The following NAPB variants were observed in gnomAD, a reference collection of about 807,000 sequenced individuals.
NAPB encodes NSF attachment protein beta.
Under a neutral mutation model 44.7 loss-of-function variants are expected in NAPB, and 26 were observed. The ratio of observed to expected loss-of-function variants is 0.58; its 90% CI spans 0.43 to 0.81. The LOEUF (loss-of-function observed/expected upper bound fraction) is 0.81, where lower values mean the gene tolerates loss of function less well. NAPB is among the 30% of genes least tolerant of loss of function. NAPB has a pLI of 0.00. For missense variants in NAPB, 315 were observed against 356.4 expected, an observed-to-expected ratio of 0.88 and a Z score of 0.94; for synonymous variants, 120 against 116.8, an observed-to-expected ratio of 1.03 and a Z score of -0.18.
intron 2 of NAPB, among the ~76,000 whole-genome samples, chr20:23,399,830 C>G (rs906442574): frequency 6.6e-6 from 1 of 152,224 alleles, no homozygotes; most frequent in African/African-American, 2.4e-5. Context: ...GCTTGGACTT[C>G]GCAAGTAAAG....
In NAPB at chr20:23,392,255, A is replaced by G. The variant is rs115332579; in HGVS notation, c.421-1991T>C. ...CATGACAGCTCTGACAGGTGTTCCAAAGAAATATTTTCTTCCAGAGAAATA... is the reference window on the plus strand; with the variant it reads ...CATGACAGCTCTGACAGGTGTTCCAGAGAAATATTTTCTTCCAGAGAAATA... On this transcript the variant is annotated intron_variant, in intron 5 of 10. Coordinates refer to ENST00000377026, the MANE Select transcript of NAPB (RefSeq NM_022080.3). Among the ~76,000 whole-genome samples, 395 of 152,314 alleles carry G rather than the reference A, an allele frequency of 2.6e-3. 5 individuals are homozygous for G. Among genetic ancestry groups the G allele is most frequent in the Non-Finnish European group, 4.3e-3 (290 of 68,020 alleles).
At position 23,403,008 on chromosome 20, in the gene NAPB, C is replaced by CCAT; in HGVS notation, c.160_162dup (p.Met54dup). The CCAT allele has an allele frequency of 6.2e-7, 1 of 1,613,378 alleles. No individual in the cohort carries two copies. The highest frequency in any genetic ancestry group is 1.3e-5 in the African/African-American group (1 of 75,026). On this transcript the variant is annotated inframe_insertion, in exon 2 of 11. Coordinates refer to ENST00000377026, the MANE Select transcript of NAPB (RefSeq NM_022080.3). ...TTGTACATACCACTCCAATTTTTAGCCATCTTGAACATATTTGCAGCTCTG... is the reference window on the plus strand; with the variant it reads ...TTGTACATACCACTCCAATTTTTAGCCATCATCTTGAACATATTTGCAGCTCTG...
intron 5 of NAPB, among the ~76,000 whole-genome samples, chr20:23,393,479 T>A (rs1431523973): frequency 6.6e-6 from 1 of 152,134 alleles, no homozygotes. Flanking sequence ...CCATTTGGTA[T>A]GGTGGAGGTA....
At chr20:23,393,764 A>G (rs1984147796) in intron 5 of NAPB, among the ~76,000 whole-genome samples, 1 of 152,196 alleles carries the variant, frequency 6.6e-6, no homozygotes, top group Non-Finnish European at 1.5e-5. Context: ...AGGGGGTCAT[A>G]ATAGTTAATC....
intron 7 of NAPB, among the ~76,000 whole-genome samples, chr20:23,384,393 C>T (rs1983302302): frequency 6.6e-6 from 1 of 151,852 alleles, no homozygotes; most frequent in African/African-American, 2.4e-5. Flanking sequence ...AAAACCCCAT[C>T]GCTACAAAAA....
intron 1 of NAPB, among the ~76,000 whole-genome samples, chr20:23,408,485 C>T (rs1458753330): frequency 6.6e-6 from 1 of 152,194 alleles, no homozygotes; most frequent in Admixed American, 6.5e-5. Flanking sequence ...CAAAATCTGT[C>T]TGAACGTGCC....
At chr20:23,387,499 A>C (rs551851614) in intron 7 of NAPB, among the ~76,000 whole-genome samples, 1 of 152,214 alleles carries the variant, frequency 6.6e-6, no homozygotes, top group South Asian at 2.1e-4. Context: ...TAAGAAATCC[A>C]CACAAAAAAA....
intron 2 of NAPB, among the ~76,000 whole-genome samples, chr20:23,401,913 T>C (rs1385343489): frequency 6.6e-6 from 1 of 152,012 alleles, no homozygotes; most frequent in Non-Finnish European, 1.5e-5. Context: ...ATTAAGTAAG[T>C]AAATAAATAA....
chr20:23,410,813 A>G (rs949459673), intron 1 of NAPB, among the ~76,000 whole-genome samples: 4 of 152,228 alleles, frequency 2.6e-5, no homozygotes, highest in African/African-American at 9.6e-5. Context: ...AAACAATTCC[A>G]TATGACTGAA....
chr20:23,416,550 C>T (rs1327857210), intron 1 of NAPB, among the ~76,000 whole-genome samples: 3 of 151,988 alleles, frequency 2.0e-5, no homozygotes, highest in African/African-American at 7.2e-5. Flanking sequence ...GAGCCTCTAC[C>T]TGGTCTCCCC....
At chr20:23,420,038 A>C (rs1292428494) in intron 1 of NAPB, among the ~76,000 whole-genome samples, 1 of 152,214 alleles carries the variant, frequency 6.6e-6, no homozygotes, top group Non-Finnish European at 1.5e-5. Flanking sequence ...CTAGTCATGC[A>C]ATGGGTTAAG....
intron 7 of NAPB, among the ~76,000 whole-genome samples, chr20:23,388,581 G>A (rs558266538): frequency 2.0e-5 from 3 of 152,156 alleles, no homozygotes; most frequent in Non-Finnish European, 4.4e-5. Flanking sequence ...ATGGAATAGA[G>A]AGCCCAGAAG....
intron 1 of NAPB, among the ~76,000 whole-genome samples, chr20:23,419,378 A>C (rs1267455652): frequency 6.6e-6 from 1 of 152,234 alleles, no homozygotes; most frequent in East Asian, 1.9e-4. Context: ...TTCTTTAAAA[A>C]CAAAGGCTTT....
chr20:23,376,687 GTGTA>G lies in NAPB; in HGVS notation c.*685_*688del, dbSNP rs1353396193. On this transcript the variant is annotated 3_prime_UTR_variant, in exon 11 of 11. Transcript: ENST00000377026. ...AACAGATCTTGTGATATGTGTGTGT[GTGTA>G]AACGCGTGTGTCTAAGTACAAATCA... The G allele has an allele frequency of 3.9e-5, 6 of 152,234 alleles. No homozygotes were observed. Among genetic ancestry groups the G allele is most frequent in the South Asian group, 2.1e-4 (1 of 4,836 alleles). 9.4% of individuals were successfully genotyped at this position (152,234 alleles called of 1,614,324 possible). A position where few individuals can be genotyped will look rare whatever the true frequency, so the allele number is the denominator to read the frequency against.
intron 1 of NAPB, among the ~76,000 whole-genome samples, chr20:23,404,259 C>G (rs1484578596): frequency 6.6e-6 from 1 of 152,150 alleles, no homozygotes; most frequent in East Asian, 1.9e-4. Flanking sequence ...AGACTCTGTA[C>G]AGTATACATA....
Position 23,376,171 on chromosome 20 carries a change from C to T in NAPB, c.*1205G>A, listed in dbSNP as rs748022783. 13 of 152,130 alleles carry T rather than the reference C, an allele frequency of 8.5e-5. No individual in the cohort carries two copies. The highest frequency in any genetic ancestry group is 1.9e-4 in the Non-Finnish European group (13 of 68,048). 9.4% of individuals were successfully genotyped at this position (152,130 alleles called of 1,614,324 possible). On this transcript the variant is annotated 3_prime_UTR_variant, in exon 11 of 11. Coordinates refer to ENST00000377026, the MANE Select transcript of NAPB (RefSeq NM_022080.3). The stretch of plus-strand genomic sequence containing the variant: ...CATTTAACTATAAATATTCAGAGGA[C>T]ATTCAGGAGACAAGCGTATGTCTAA...
At chr20:23,397,259 G>A in intron 2 of NAPB, 71 bp from the exon 3 acceptor site, 1 of 1,482,994 alleles carries the variant, frequency 6.7e-7, no homozygotes, top group Non-Finnish European at 9.1e-7. Context: ...GTAAGCACTG[G>A]ACCTCCCTAG....
chr20:23,404,128 C>A (rs564049609), intron 1 of NAPB, among the ~76,000 whole-genome samples: 2 of 152,314 alleles, frequency 1.3e-5, no homozygotes, highest in South Asian at 4.1e-4. Context: ...CCAAAATTAT[C>A]CTCCGTAATC....
At chr20:23,384,285 G>T (rs1057247519) in intron 7 of NAPB, among the ~76,000 whole-genome samples, 1 of 152,158 alleles carries the variant, frequency 6.6e-6, no homozygotes, top group Non-Finnish European at 1.5e-5. Context: ...AAGTAGGCTG[G>T]GTGTGGTGGC....
Sources: allele counts gnomAD v4.1 joint callset (sites outside exome capture counted in the v4.1 genomes callset), GRCh38; gene constraint gnomAD v4.1.1; transcripts MANE v1.5; gene names NCBI Gene and HGNC (gene_info 2026-07-23, HGNC 2026-07-21).